WDR49: variants seen among roughly 807,000 people sequenced by gnomAD.
The protein encoded by WDR49 is cilia- and flagella-associated protein 337.
In WDR49, 107 loss-of-function variants were observed where a neutral mutation model predicts 119.5. The ratio of observed to expected loss-of-function variants is 0.90; its 90% CI spans 0.77 to 1.05. WDR49 has a LOEUF of 1.05. WDR49 is among the 50% of genes least tolerant of loss of function. The pLI, the probability that WDR49 is intolerant of heterozygous loss-of-function variation, is 0.00. For synonymous variants in WDR49, 425 were observed against 418.8 expected, an observed-to-expected ratio of 1.01 and a Z score of -0.18; for missense variants, 1,240 against 1,220.5, an observed-to-expected ratio of 1.02 and a Z score of -0.24.
At chr3:167,547,590 A>G (rs1712286275) in intron 10 of WDR49, among the ~76,000 whole-genome samples, 1 of 151,820 alleles carries the variant, frequency 6.6e-6, no homozygotes, top group Non-Finnish European at 1.5e-5. Flanking sequence ...CAAGGAAAGG[A>G]AACAACAGAT....
At chr3:167,510,397 A>C (rs1226778913) in intron 16 of WDR49, among the ~76,000 whole-genome samples, 3 of 152,222 alleles carry the variant, frequency 2.0e-5, no homozygotes, top group African/African-American at 7.2e-5. Context: ...AACTAGGAAA[A>C]ATATATGTCC....
At chr3:167,618,843 G>C (rs1716724070) in intron 5 of WDR49, among the ~76,000 whole-genome samples, 1 of 152,136 alleles carries the variant, frequency 6.6e-6, no homozygotes, top group Non-Finnish European at 1.5e-5. Flanking sequence ...AATCAACATT[G>C]ACCTAGAGAA....
chr3:167,628,650 T>A (rs1408239204), intron 2 of WDR49, among the ~76,000 whole-genome samples: 2 of 152,024 alleles, frequency 1.3e-5, no homozygotes, highest in Admixed American at 1.3e-4. Context: ...AAAGAAGTCA[T>A]CTCCACAACA....
intron 7 of WDR49, among the ~76,000 whole-genome samples, chr3:167,597,771 A>C (rs1440701139): frequency 6.6e-6 from 1 of 152,162 alleles, no homozygotes; most frequent in Non-Finnish European, 1.5e-5. Context: ...TTGGACTTGC[A>C]TGAGGCTTGT....
At chr3:167,639,223 T>C (rs1484205283) in intron 2 of WDR49, among the ~76,000 whole-genome samples, 1 of 151,770 alleles carries the variant, frequency 6.6e-6, no homozygotes, top group Non-Finnish European at 1.5e-5. Context: ...TTTAAATTGC[T>C]GTTCCTTTGT....
chr3:167,576,201 T>A (rs1714244478), intron 7 of WDR49, 50 bp from the exon 8 acceptor site: 1 of 1,537,508 alleles, frequency 6.5e-7, no homozygotes, highest in African/African-American at 1.4e-5. Context: ...ATAATTGTAA[T>A]CTTTTAGCCA....
At chr3:167,580,848 T>A (rs1406724575) in intron 7 of WDR49, among the ~76,000 whole-genome samples, 1 of 152,176 alleles carries the variant, frequency 6.6e-6, no homozygotes, top group East Asian at 1.9e-4. Context: ...TTAATTTCAA[T>A]TTTCATTTCA....
intron 7 of WDR49, among the ~76,000 whole-genome samples, chr3:167,579,232 T>C (rs987538690): frequency 6.6e-6 from 1 of 152,276 alleles, no homozygotes; most frequent in Non-Finnish European, 1.5e-5. Context: ...AATGGGCTAA[T>C]ACAGACATAG....
intron 16 of WDR49, among the ~76,000 whole-genome samples, chr3:167,519,379 A>G (rs1000797679): frequency 6.6e-6 from 1 of 152,222 alleles, no homozygotes; most frequent in Non-Finnish European, 1.5e-5. Flanking sequence ...CAATAAATGG[A>G]ATCAACCCAA....
chr3:167,519,682 A>G (rs998081760), intron 16 of WDR49, among the ~76,000 whole-genome samples: 1 of 151,894 alleles, frequency 6.6e-6, no homozygotes, highest in Admixed American at 6.6e-5. Flanking sequence ...TTGCTACTGC[A>G]TGCTGGGTTT....
At chr3:167,497,910 G>C in intron 18 of WDR49, among the ~76,000 whole-genome samples, 1 of 143,898 alleles carries the variant, frequency 6.9e-6, no homozygotes, top group East Asian at 2.1e-4. Context: ...CTAGTGCAGT[G>C]GCACAATTTC....
chr3:167,615,514 T>G (rs963141965), intron 5 of WDR49, among the ~76,000 whole-genome samples: 6 of 152,114 alleles, frequency 3.9e-5, no homozygotes, highest in African/African-American at 1.4e-4. Context: ...GATATTTCTC[T>G]TTTCTTTTGA....
intron 9 of WDR49, among the ~76,000 whole-genome samples, chr3:167,558,800 A>G (rs1385169480): frequency 6.6e-6 from 1 of 152,178 alleles, no homozygotes; most frequent in African/African-American, 2.4e-5. Context: ...TCCAAGATAG[A>G]GGTAAATAGA....
chr3:167,625,878 C>T (rs1413028947), intron 3 of WDR49, among the ~76,000 whole-genome samples: 3 of 149,720 alleles, frequency 2.0e-5, no homozygotes, highest in Non-Finnish European at 4.4e-5. Context: ...AAGGACAAAC[C>T]TTGGTTTCTT....
intron 9 of WDR49, among the ~76,000 whole-genome samples, chr3:167,557,054 G>C (rs539079136): frequency 1.3e-5 from 2 of 151,692 alleles, no homozygotes; most frequent in Non-Finnish European, 2.9e-5. Context: ...AAAATTAGCC[G>C]AGCATGGTGG....
In WDR49 at chr3:167,536,770, T is replaced by A. The variant is rs944921564; in HGVS notation, c.1954+100A>T. ...ACATACATATACATATATATATATA[T>A]AAAACAACTGAGAAAAAGCTTTTCT... is the stretch of plus-strand genomic sequence containing the variant. On this transcript the variant is annotated intron_variant, in intron 11 of 18. Coordinates refer to ENST00000682715, the MANE Select transcript of WDR49 (RefSeq NM_001366157.1). The A allele has an allele frequency of 4.1e-5, 31 of 761,016 alleles. 1 individual carries two copies. Among genetic ancestry groups the A allele is most frequent in the East Asian group, 5.4e-5 (1 of 18,468 alleles). 47.1% of individuals were successfully genotyped at this position (761,016 alleles called of 1,614,324 possible).
chr3:167,614,479 G>A (rs1361320070), intron 5 of WDR49, among the ~76,000 whole-genome samples: 1 of 152,072 alleles, frequency 6.6e-6, no homozygotes, highest in Non-Finnish European at 1.5e-5. Context: ...TTATTAAAAA[G>A]GAAAATTCTC....
Position 167,620,496 on chromosome 3 carries a change from G to C in WDR49, c.891C>G (p.Leu297=), listed in dbSNP as rs1179522560. ...TATGGCAACATTTGTGACATCCAGAGAGCAGCTCTGCCCAGTTAATGGTCA... is the reference window on the plus strand; with the variant it reads ...TATGGCAACATTTGTGACATCCAGACAGCAGCTCTGCCCAGTTAATGGTCA... ...ATMTINWAEL[L]SGCHKCCHIL... The change falls in exon 5 of 19, where the codon CTC becomes CTG. Residue 297 remains leucine, a synonymous_variant. Transcript: ENST00000682715. 1 of 1,536,110 alleles carries C rather than the reference G, an allele frequency of 6.5e-7. No homozygotes were observed. Among genetic ancestry groups the C allele is most frequent in the Admixed American group, 2.0e-5 (1 of 50,982 alleles).
intron 8 of WDR49, among the ~76,000 whole-genome samples, chr3:167,566,347 T>A (rs1018248386): frequency 3.3e-5 from 5 of 152,146 alleles, no homozygotes; most frequent in African/African-American, 1.2e-4. Context: ...ATGCTCAAAG[T>A]TTGGAATATG....
Sources: gnomAD v4.1 joint callset for allele counts (sites outside exome capture counted in the v4.1 genomes callset) on GRCh38, gnomAD v4.1.1 for gene constraint, MANE v1.5 for transcripts, NCBI Gene and HGNC (gene_info 2026-07-23, HGNC 2026-07-21) for gene names.